MCTP1: variants seen among roughly 807,000 people sequenced by gnomAD.
MCTP1 encodes multiple C2 and transmembrane domain-containing protein 1.
Under a neutral mutation model 120.6 loss-of-function variants are expected in MCTP1, and 69 were observed. The observed-to-expected ratio is 0.57, with a 90% confidence interval of 0.47 to 0.70. MCTP1 has a LOEUF of 0.70. Ranked by LOEUF, MCTP1 falls within the 30% of genes least tolerant of loss-of-function variation. The pLI is 0.00. For missense variants in MCTP1, 1,203 were observed against 1,248.8 expected (o/e 0.96, Z 0.55); for synonymous variants, 529 against 493.1 (o/e 1.07, Z -0.96).
chr5:94,889,017 A>C, intron 11 of MCTP1, 45 bp from the exon 12 acceptor site: 1 of 1,240,654 alleles, frequency 8.1e-7, no homozygotes, highest in Non-Finnish European at 1.2e-6. Context: ...GGTCCCAAGG[A>C]GTCTTAAAGA....
intron 1 of MCTP1, among the ~76,000 whole-genome samples, chr5:95,120,061 C>T (rs1378194154): frequency 6.6e-6 from 1 of 151,010 alleles, no homozygotes; most frequent in Non-Finnish European, 1.5e-5. Context: ...CCTGTAGTCC[C>T]AGCTACTCAG....
At chr5:94,766,417 G>A (rs1375481317) in intron 19 of MCTP1, among the ~76,000 whole-genome samples, 4 of 151,332 alleles carry the variant, frequency 2.6e-5, no homozygotes, top group Admixed American at 6.6e-5. Flanking sequence ...GCAAGCTATC[G>A]CAAGGACAGA....
Position 95,259,204 on chromosome 5 carries a change from C to T in MCTP1, c.720+24652G>A, listed in dbSNP as rs571084780. ...AATGGACTACCTTGGAGAATCATCC[C>T]TGCCAACATTTCTGAATGGCTATGT... On this transcript the variant is annotated intron_variant, in intron 1 of 22. Transcript: ENST00000515393. Among the ~76,000 whole-genome samples, 13 of 152,284 alleles carry T rather than the reference C, an allele frequency of 8.5e-5. No homozygotes were observed. The South Asian group carries it at 2.5e-3, about 29-fold the overall frequency.
At chr5:94,860,488 CCAAA>C (rs778501232) in intron 17 of MCTP1, among the ~76,000 whole-genome samples, 1 of 151,598 alleles carries the variant, frequency 6.6e-6, no homozygotes. Context: ...CTCTATAAAG[CCAAA>C]CAAACACCTG....
rs1758493587 is a variant in MCTP1, at chr5:94,714,893, T to G, written c.2611-7A>C. ...ATCCCTTTTTTTCACTGTCCTAAAA[T>G]GCAATAAAAAAGAAATTCTGTATGA... is the stretch of plus-strand genomic sequence containing the variant. On this transcript the variant is annotated splice_region_variant and splice_polypyrimidine_tract_variant and intron_variant, in intron 19 of 22. Transcript: ENST00000515393. 1 of 1,551,262 alleles carries G rather than the reference T, an allele frequency of 6.4e-7. No homozygotes were observed. Among genetic ancestry groups the G allele is most frequent in the South Asian group, 1.1e-5 (1 of 89,152 alleles).
At chr5:94,995,157 G>C (rs34838199) in intron 2 of MCTP1, among the ~76,000 whole-genome samples, 24,851 of 152,128 alleles carry the variant, frequency 0.16, 2,244 homozygotes, top group East Asian at 0.33. Flanking sequence ...TCTAGAGAAC[G>C]CTGACTAAGA....
chr5:95,019,271 T>C (rs757483735), intron 1 of MCTP1, among the ~76,000 whole-genome samples: 2 of 152,066 alleles, frequency 1.3e-5, no homozygotes, highest in Non-Finnish European at 2.9e-5. Flanking sequence ...GTTTACCCTT[T>C]TGTTTTGTTT....
At chr5:95,208,003 G>A (rs1562238192) in intron 1 of MCTP1, among the ~76,000 whole-genome samples, 1 of 149,776 alleles carries the variant, frequency 6.7e-6, no homozygotes, top group African/African-American at 2.5e-5. Context: ...GAGAGGGAGA[G>A]AGAGGGAGAG....
At chr5:94,956,210 T>C (rs1822572383) in intron 2 of MCTP1, among the ~76,000 whole-genome samples, 1 of 152,026 alleles carries the variant, frequency 6.6e-6, no homozygotes, top group East Asian at 1.9e-4. Context: ...CAGAAAGGAA[T>C]AGCCATCAAC....
At position 95,223,800 on chromosome 5, in the gene MCTP1, C is replaced by T. The variant is rs189320292; in HGVS notation, c.720+60056G>A. ...CTAACAGAGAGGATTACAGTTCCCT[C>T]TTCAATGTTAACTTGAGCCTCAGTC... On this transcript the variant is annotated intron_variant, in intron 1 of 22. Coordinates refer to ENST00000515393, the MANE Select transcript of MCTP1 (RefSeq NM_024717.7). Among the ~76,000 whole-genome samples, 6 of 152,306 alleles carry T rather than the reference C, an allele frequency of 3.9e-5. No homozygotes were observed. In the East Asian group the frequency reaches 9.7e-4, roughly 25 times the overall value.
At chr5:94,833,181 C>A (rs1220161042) in intron 17 of MCTP1, among the ~76,000 whole-genome samples, 1 of 151,994 alleles carries the variant, frequency 6.6e-6, no homozygotes, top group Non-Finnish European at 1.5e-5. Context: ...CTTATTGAAT[C>A]AGGTCAATAA....
At chr5:94,842,461 CA>C (rs760944468) in intron 17 of MCTP1, among the ~76,000 whole-genome samples, 11 of 152,106 alleles carry the variant, frequency 7.2e-5, no homozygotes, top group Non-Finnish European at 1.5e-4. Context: ...ATCTAAAAAA[CA>C]ACAACAATCT....
chr5:95,199,139 C>T (rs971643134), intron 1 of MCTP1, among the ~76,000 whole-genome samples: 4 of 152,224 alleles, frequency 2.6e-5, no homozygotes, highest in Middle Eastern at 3.4e-3. Context: ...AACATAAATA[C>T]AAATTTTAAA....
chr5:94,832,484 A>G (rs781153004), intron 17 of MCTP1, among the ~76,000 whole-genome samples: 11 of 151,994 alleles, frequency 7.2e-5, no homozygotes, highest in Non-Finnish European at 1.3e-4. Flanking sequence ...GAACATTTAT[A>G]TCTCCCTCTA....
At chr5:94,962,109 G>C (rs764705214) in intron 2 of MCTP1, among the ~76,000 whole-genome samples, 1 of 150,812 alleles carries the variant, frequency 6.6e-6, no homozygotes, top group Non-Finnish European at 1.5e-5. Flanking sequence ...CCTTACTCCT[G>C]CGCAAATGGC....
intron 1 of MCTP1, among the ~76,000 whole-genome samples, chr5:95,116,013 C>T (rs537057487): frequency 1.8e-4 from 28 of 151,888 alleles, no homozygotes; most frequent in African/African-American, 6.3e-4. Context: ...AAAACTTTTA[C>T]TCCAGAAGAA....
At chr5:95,117,111 T>C (rs543696640) in intron 1 of MCTP1, among the ~76,000 whole-genome samples, 1 of 152,146 alleles carries the variant, frequency 6.6e-6, no homozygotes, top group Admixed American at 6.5e-5. Context: ...AAAGAAGACA[T>C]TCACACAGCC....
chr5:95,201,478 T>G (rs1751031120), intron 1 of MCTP1, among the ~76,000 whole-genome samples: 2 of 3,714 alleles, frequency 5.4e-4, no homozygotes, highest in Non-Finnish European at 1.4e-3. Context: ...TTTTTTTTTT[T>G]TTTTTTTTTT....
At chr5:94,784,428 C>T (rs1777204841) in intron 18 of MCTP1, among the ~76,000 whole-genome samples, 1 of 152,052 alleles carries the variant, frequency 6.6e-6, no homozygotes, top group South Asian at 2.1e-4. Context: ...AAAGGTCAGG[C>T]TAAAGACTTT....
Sources: gnomAD v4.1 joint callset for allele counts (sites outside exome capture counted in the v4.1 genomes callset) on GRCh38, gnomAD v4.1.1 for gene constraint, MANE v1.5 for transcripts, NCBI Gene and HGNC (gene_info 2026-07-23, HGNC 2026-07-21) for gene names.